CACYBP: variants seen among roughly 807,000 people sequenced by gnomAD.
CACYBP encodes calcyclin-binding protein.
In CACYBP, 11 loss-of-function variants were observed where a neutral mutation model predicts 29.6. The ratio of observed to expected loss-of-function variants is 0.37; its 90% CI spans 0.23 to 0.61. CACYBP has a LOEUF of 0.61. CACYBP is among the 20% of genes least tolerant of loss of function. CACYBP has a pLI of 0.65. For synonymous variants in CACYBP, 73 were observed against 88.3 expected (o/e 0.83, Z 0.97); for missense variants, 163 against 260.7 (o/e 0.63, Z 2.58).
At position 175,000,138 on chromosome 1, in the gene CACYBP, T is replaced by G; in HGVS notation, c.-43T>G. On this transcript the variant is annotated 5_prime_UTR_variant, in exon 1 of 6. Transcript: ENST00000367679. ...CGGCGCGGGGTTTCCTGTTCCTCCT[T>G]CTGCGCGGCTGCAGCTCGGGACTTC... 1 of 1,593,356 alleles carries G rather than the reference T, an allele frequency of 6.3e-7. No individual in the cohort carries two copies. Among genetic ancestry groups the G allele is most frequent in the African/African-American group, 1.3e-5 (1 of 74,306 alleles).
chr1:175,011,727 T>A lies in CACYBP; in HGVS notation c.*1648T>A, dbSNP rs1672761957. ...TTACCTTTCACTTGAAAAAGAAGTA[T>A]AAAAACAACTGTATTGAGTTGAGGC... On this transcript the variant is annotated 3_prime_UTR_variant, in exon 6 of 6. Coordinates refer to ENST00000367679, the MANE Select transcript of CACYBP (RefSeq NM_014412.3). 1 of 152,106 alleles carries A rather than the reference T, an allele frequency of 6.6e-6. No homozygotes were observed. The highest frequency in any genetic ancestry group is 1.5e-5 in the Non-Finnish European group (1 of 68,018). The allele number at this position is 152,106 out of a possible 1,614,324, so 9.4% of individuals were successfully genotyped here.
Position 175,002,046 on chromosome 1 carries a change from T to G in CACYBP, c.15+1851T>G, listed in dbSNP as rs141841723. Among the ~76,000 whole-genome samples, 554 of 152,300 alleles carry G rather than the reference T, an allele frequency of 3.6e-3. 2 individuals carry two copies. The highest frequency in any genetic ancestry group is 0.01 in the Middle Eastern group (3 of 294). On this transcript the variant is annotated intron_variant, in intron 1 of 5. Coordinates refer to ENST00000367679, the MANE Select transcript of CACYBP (RefSeq NM_014412.3). ...CAGGTGTGAGCCATGGCGCCTGGCCTTATTTCCACTTCGTGACTAGCATAA... is the reference window on the plus strand; with the variant it reads ...CAGGTGTGAGCCATGGCGCCTGGCCGTATTTCCACTTCGTGACTAGCATAA...
chr1:175,000,136 C>G lies in CACYBP; in HGVS notation c.-45C>G, dbSNP rs752889549. On this transcript the variant is annotated 5_prime_UTR_variant, in exon 1 of 6. Transcript: ENST00000367679. ...CTCGGCGCGGGGTTTCCTGTTCCTCCTTCTGCGCGGCTGCAGCTCGGGACT... is the reference window on the plus strand; with the variant it reads ...CTCGGCGCGGGGTTTCCTGTTCCTCGTTCTGCGCGGCTGCAGCTCGGGACT... 4.4e-6 allele frequency: 7 copies of G among 1,591,972 alleles called. No individual in the cohort carries two copies. The African/African-American group carries it at 8.1e-5, about 18-fold the overall frequency.
chr1:175,000,244 G>C lies in CACYBP; in HGVS notation c.15+49G>C, dbSNP rs865804288. 2.8e-5 allele frequency: 44 copies of C among 1,568,074 alleles called. 1 individual carries two copies. The Middle Eastern group carries it at 2.7e-3, about 95-fold the overall frequency. ...CTTATGCCCCCCGGCTGGAGCTGCAGCGCCAGCCTCCCGCCCTACCGCCGT... is the reference window on the plus strand; with the variant it reads ...CTTATGCCCCCCGGCTGGAGCTGCACCGCCAGCCTCCCGCCCTACCGCCGT... On this transcript the variant is annotated intron_variant, in intron 1 of 5. Coordinates refer to ENST00000367679, the MANE Select transcript of CACYBP (RefSeq NM_014412.3).
intron 1 of CACYBP, among the ~76,000 whole-genome samples, chr1:175,002,255 C>T (rs935185787): frequency 1.3e-5 from 2 of 152,160 alleles, no homozygotes; most frequent in Non-Finnish European, 1.5e-5. Flanking sequence ...GAAAGTTTCT[C>T]CACATCATTA....
In CACYBP at chr1:175,006,742, C is replaced by G; in HGVS notation, c.236-3C>G. ...ACGTCCCATCTTTTGTTGTCGTTGC[C>G]AGGATGGGATCAGTCAGATAAGTTT... is the stretch of plus-strand genomic sequence containing the variant. On this transcript the variant is annotated splice_region_variant and splice_polypyrimidine_tract_variant and intron_variant, in intron 2 of 5. Transcript: ENST00000367679. 1 of 1,551,726 alleles carries G rather than the reference C, an allele frequency of 6.4e-7. No individual in the cohort carries two copies. The highest frequency in any genetic ancestry group is 1.1e-5 in the South Asian group (1 of 89,334).
intron 4 of CACYBP, 93 bp downstream of exon 4, chr1:175,007,290 C>T (rs1229743721): frequency 6.6e-6 from 5 of 763,280 alleles, no homozygotes; most frequent in African/African-American, 5.3e-5. Context: ...TGAATTTGTC[C>T]TCTGTAACAG....
Position 175,004,637 on chromosome 1 carries a change from A to T in CACYBP, c.39A>T (p.Val13=), listed in dbSNP as rs750588405. 2.5e-6 allele frequency: 4 copies of T among 1,607,452 alleles called. No individual in the cohort carries two copies. The South Asian group carries it at 3.3e-5, about 13-fold the overall frequency. The change falls in exon 2 of 6, where the codon GTA becomes GTT. Residue 13 remains valine, a synonymous_variant. Coordinates refer to ENST00000367679, the MANE Select transcript of CACYBP (RefSeq NM_014412.3). Reference sequence around the variant, plus strand: ...AGCTACAGAAAGATCTAGAAGAGGTAAAGGTGTTGCTGGAAAAGGCTACTA... The same window carrying T: ...AGCTACAGAAAGATCTAGAAGAGGTTAAGGTGTTGCTGGAAAAGGCTACTA... ...SEELQKDLEE[V]KVLLEKATRK...
chr1:175,000,221 T>C, intron 1 of CACYBP, 26 bp downstream of exon 1: 1 of 1,597,230 alleles, frequency 6.3e-7, no homozygotes, highest in Non-Finnish European at 8.5e-7. Flanking sequence ...CCATATTCCT[T>C]ATGCCCCCCG....
intron 5 of CACYBP, 107 bp from the exon 6 acceptor site, chr1:175,009,816 C>CT (rs1672705331): frequency 1.3e-6 from 1 of 786,802 alleles, no homozygotes; most frequent in African/African-American, 1.7e-5. Flanking sequence ...TTTGGGTACT[C>CT]TGTCTTCCTT....
intron 2 of CACYBP, 166 bp downstream of exon 2, chr1:175,004,999 G>A: frequency 1.5e-6 from 1 of 670,102 alleles, no homozygotes; most frequent in African/African-American, 1.8e-5. Flanking sequence ...AAATAGGAAA[G>A]GATGCGTTCT....
chr1:175,002,253 C>G (rs1474124021), intron 1 of CACYBP, among the ~76,000 whole-genome samples: 1 of 152,198 alleles, frequency 6.6e-6, no homozygotes, highest in Non-Finnish European at 1.5e-5. Context: ...CTGAAAGTTT[C>G]TCCACATCAT....
intron 1 of CACYBP, 188 bp downstream of exon 1, chr1:175,000,383 A>G: frequency 2.1e-6 from 3 of 1,415,332 alleles, no homozygotes; most frequent in Non-Finnish European, 2.8e-6. Flanking sequence ...CAGCGCTTCC[A>G]CTCGACCTCG....
intron 1 of CACYBP, 153 bp downstream of exon 1, chr1:175,000,348 G>A (rs1285399430): frequency 3.5e-6 from 5 of 1,436,186 alleles, no homozygotes; most frequent in East Asian, 2.8e-5. Flanking sequence ...CACCTCACTC[G>A]CCCCTTGCTG....
At chr1:175,002,142 C>G (rs1672507502) in intron 1 of CACYBP, among the ~76,000 whole-genome samples, 1 of 152,100 alleles carries the variant, frequency 6.6e-6, no homozygotes, top group Non-Finnish European at 1.5e-5. Context: ...GGGTATATAC[C>G]TAGGAGTGGA....
In CACYBP at chr1:175,000,055, G is replaced by T; in HGVS notation, c.-126G>T. The T allele has an allele frequency of 7.4e-7, 1 of 1,348,646 alleles. No individual in the cohort carries two copies. The highest frequency in any genetic ancestry group is 1.5e-5 in the African/African-American group (1 of 68,076). 83.5% of individuals were successfully genotyped at this position (1,348,646 alleles called of 1,614,324 possible). ...GCGATCTTGCGCAGGGTCGGTGTGG[G>T]CGCAGGCTGCAGCGCCGCGACTCGT... On this transcript the variant is annotated 5_prime_UTR_variant, in exon 1 of 6. Transcript: ENST00000367679.
chr1:175,004,753 C>T lies in CACYBP; in HGVS notation c.155C>T (p.Ala52Val). 6.2e-7 allele frequency: 1 copy of T among 1,613,834 alleles called. No individual in the cohort carries two copies. Reference protein sequence around the residue: ...NKMQQKSQKKAELLDNEKPAA... With the variant: ...NKMQQKSQKKVELLDNEKPAA... ...ATGCAACAGAAATCACAGAAGAAAG[C>T]AGAACTTCTTGATAATGAAAAACCA... Residue 52 changes from alanine to valine, a missense_variant, in exon 2 of 6, where the codon GCA (alanine) becomes GTA (valine). By Grantham distance (64) the Ala-to-Val change is moderately conservative. Transcript: ENST00000367679.
Position 175,004,727 on chromosome 1 carries a change from G to C in CACYBP, c.129G>C (p.Lys43Asn). 6.2e-7 allele frequency: 1 copy of C among 1,613,842 alleles called. No homozygotes were observed. The highest frequency in any genetic ancestry group is 1.1e-5 in the South Asian group (1 of 91,084). The change falls in exon 2 of 6, where the codon AAG becomes AAC. Residue 43 changes from lysine to asparagine, a missense_variant. Transcript: ENST00000367679. ...AGATTGAGACAGAAATCAAGAACAAGATGCAACAGAAATCACAGAAGAAAG... is the reference window on the plus strand; with the variant it reads ...AGATTGAGACAGAAATCAAGAACAACATGCAACAGAAATCACAGAAGAAAG... ...KSKIETEIKN[K>N]MQQKSQKKAE... is the part of the protein sequence containing the mutation.
intron 2 of CACYBP, chr1:175,005,056 CA>C (rs1328581038): frequency 1.8e-6 from 1 of 545,720 alleles, no homozygotes; most frequent in Non-Finnish European, 3.3e-6. Flanking sequence ...AATGTAACAA[CA>C]AGGAAGGAAC....
Sources: gnomAD v4.1 joint callset for allele counts (sites outside exome capture counted in the v4.1 genomes callset) on GRCh38, gnomAD v4.1.1 for gene constraint, MANE v1.5 for transcripts, NCBI Gene and HGNC (gene_info 2026-07-23, HGNC 2026-07-21) for gene names.